The following TBL1Y variants were observed in gnomAD, a reference collection of about 807,000 sequenced individuals.
TBL1Y encodes the protein F-box-like/WD repeat-containing protein TBL1Y.
Under a neutral mutation model 12.0 loss-of-function variants are expected in TBL1Y, and 15 were observed. That is an observed-to-expected ratio of 1.25 (90% CI 0.83 to 1.92). The LOEUF (loss-of-function observed/expected upper bound fraction) is 1.92. Ranked by LOEUF, TBL1Y falls within the 40% of genes most tolerant of loss-of-function variation. The probability of loss-of-function intolerance (pLI) is 0.00; values close to 1 mark genes in which losing one functional copy is unlikely to be tolerated. For missense variants in TBL1Y, 148 were observed against 116.7 expected, an observed-to-expected ratio of 1.27 and a Z score of -1.24; for synonymous variants, 53 against 42.6, an observed-to-expected ratio of 1.24 and a Z score of -0.95.
chrY:7,050,788 A>C, intron 7 of TBL1Y, among the ~76,000 whole-genome samples: 2 of 29,717 alleles, frequency 6.7e-5, no homozygotes, highest in Non-Finnish European at 1.6e-4. Context: ...TCGCGGAACG[A>C]AAAAGAAGCT....
intron 8 of TBL1Y, 147 bp downstream of exon 8, chrY:7,064,296 C>T: frequency 5.7e-6 from 1 of 174,994 alleles, no homozygotes; most frequent in Non-Finnish European, 9.8e-6. Context: ...TCAATCTACC[C>T]AGAAGAGCTC....
intron 6 of TBL1Y, among the ~76,000 whole-genome samples, chrY:7,034,365 G>C: frequency 3.0e-5 from 1 of 33,246 alleles, no homozygotes; most frequent in Non-Finnish European, 7.4e-5. Context: ...CCATGCTCAG[G>C]GATAGGAATA....
At chrY:7,086,994 CAT>C (rs2013142284) in intron 16 of TBL1Y, among the ~76,000 whole-genome samples, 1 of 22,878 alleles carries the variant, frequency 4.4e-5, no homozygotes, top group Non-Finnish European at 9.7e-5. Context: ...TATTATATAT[CAT>C]ATATTTTATA....
intron 2 of TBL1Y, among the ~76,000 whole-genome samples, chrY:6,940,004 C>A: frequency 3.9e-5 from 1 of 25,507 alleles, no homozygotes; most frequent in Non-Finnish European, 8.7e-5. Flanking sequence ...AATCCCAGCA[C>A]TTTGGAAGGC....
intron 4 of TBL1Y, among the ~76,000 whole-genome samples, chrY:7,003,995 A>T: frequency 5.9e-5 from 2 of 33,757 alleles, no homozygotes; most frequent in Non-Finnish European, 1.5e-4. Flanking sequence ...TGAACATTAC[A>T]TAATAGCATA....
chrY:6,932,016 A>AAGG (rs2011868715), intron 2 of TBL1Y, among the ~76,000 whole-genome samples: 10 of 33,556 alleles, frequency 3.0e-4, no homozygotes, highest in Non-Finnish European at 5.9e-4. Context: ...TCCCTGTTTT[A>AAGG]TTTACTTTTC....
chrY:7,086,309 A>G lies in TBL1Y; in HGVS notation c.1172A>G (p.Asp391Gly). 1 of 382,527 alleles carries G rather than the reference A, an allele frequency of 2.6e-6. No individual in the cohort carries two copies. The highest frequency in any genetic ancestry group is 3.6e-6 in the Non-Finnish European group (1 of 274,774). The change falls in exon 16 of 19, where the codon GAT (aspartate) becomes GGT (glycine). Residue 391 changes from aspartate (D) to glycine (G), a missense_variant. Physicochemically the swap from Asp to Gly is moderately conservative, Grantham distance 94. Coordinates refer to ENST00000383032, the MANE Select transcript of TBL1Y (RefSeq NM_033284.2). Reference protein sequence around the residue: ...MTLKIWSMKQDACVHDLQAHS... With the variant: ...MTLKIWSMKQGACVHDLQAHS... ...CTTTAGATCTGGAGTATGAAGCAGG[A>G]TGCATGCGTCCACGATCTTCAGGCT...
intron 8 of TBL1Y, among the ~76,000 whole-genome samples, chrY:7,067,834 A>G: frequency 3.0e-5 from 1 of 33,396 alleles, no homozygotes; most frequent in South Asian, 6.8e-4. Context: ...ACACCAGTGT[A>G]AAGTGGACAC....
chrY:6,920,953 C>T (rs2124093296), intron 2 of TBL1Y, among the ~76,000 whole-genome samples: 2 of 33,076 alleles, frequency 6.0e-5, no homozygotes, highest in African/African-American at 1.2e-4. Context: ...CCTGGCAGTG[C>T]GGCAGTTCTC....
At chrY:6,950,936 A>G in intron 2 of TBL1Y, among the ~76,000 whole-genome samples, 1 of 32,801 alleles carries the variant, frequency 3.0e-5, no homozygotes, top group Non-Finnish European at 7.5e-5. Flanking sequence ...CTATTGAGAT[A>G]ATCATGTGTT....
chrY:6,927,173 C>T (rs1017385517), intron 2 of TBL1Y, among the ~76,000 whole-genome samples: 41 of 32,829 alleles, frequency 1.2e-3, no homozygotes, highest in Non-Finnish European at 2.5e-3. Context: ...TGTGATCTGC[C>T]CGTTTTGGCC....
intron 4 of TBL1Y, among the ~76,000 whole-genome samples, chrY:7,016,134 G>A: frequency 3.1e-5 from 1 of 32,365 alleles, no homozygotes; most frequent in East Asian, 8.4e-4. Flanking sequence ...GAGGGGCTGT[G>A]TCCTGGCACC....
intron 14 of TBL1Y, among the ~76,000 whole-genome samples, chrY:7,082,678 T>C: frequency 3.0e-5 from 1 of 33,569 alleles, no homozygotes; most frequent in African/African-American, 1.2e-4. Context: ...TGAGCTCTCA[T>C]TGCCCATGTG....
Position 7,091,655 on chromosome Y carries a change from G to A in TBL1Y, c.*163G>A. On this transcript the variant is annotated 3_prime_UTR_variant, in exon 19 of 19. Transcript: ENST00000383032. ...AACCAACTTGTCCCAGGCCACAGGA[G>A]TGTATATGTTTCATAATCTTTATCA... 1 of 102,313 alleles carries A rather than the reference G, an allele frequency of 9.8e-6. No individual in the cohort carries two copies. The highest frequency in any genetic ancestry group is 1.8e-5 in the Non-Finnish European group (1 of 55,710). 25.5% of individuals were successfully genotyped at this position (102,313 alleles called of 400,897 possible). A position where few individuals can be genotyped will look rare whatever the true frequency, so the allele number is the denominator to read the frequency against.
chrY:6,940,135 G>A (rs2011942203), intron 2 of TBL1Y, among the ~76,000 whole-genome samples: 1 of 26,797 alleles, frequency 3.7e-5, no homozygotes, highest in African/African-American at 1.5e-4. Context: ...GGTGACCCGT[G>A]CCTGTAGGCC....
intron 4 of TBL1Y, among the ~76,000 whole-genome samples, chrY:7,001,436 G>A: frequency 2.8e-4 from 9 of 32,555 alleles, no homozygotes; most frequent in Admixed American, 2.5e-3. Flanking sequence ...TGAGTAATAC[G>A]GTGAAACCCC....
intron 2 of TBL1Y, among the ~76,000 whole-genome samples, chrY:6,971,588 C>CAG (rs749853563): frequency 3.6e-4 from 10 of 28,162 alleles, no homozygotes; most frequent in East Asian, 1.8e-3. Flanking sequence ...GGGAGGGGAA[C>CAG]AGAGAGAGAG....
chrY:6,986,012 G>C (rs113682542), intron 3 of TBL1Y, among the ~76,000 whole-genome samples: 2,332 of 32,394 alleles, frequency 0.072, no homozygotes, highest in Non-Finnish European at 0.11. Flanking sequence ...TAGGGTGCGG[G>C]GTGTGTGTAG....
chrY:7,080,784 C>T lies in TBL1Y; in HGVS notation c.1008C>T (p.Ser336=). ...WQNNMTFASC[S]TDMCIHVCRL... ...ACAACATGACCTTTGCCTCCTGTAG[C>T]ACAGACATGTGTATCCATGTGTGCA... The change falls in exon 14 of 19, where the codon AGC becomes AGT. Residue 336 remains serine, a synonymous_variant. Coordinates refer to ENST00000383032, the MANE Select transcript of TBL1Y (RefSeq NM_033284.2). 2 of 396,917 alleles carry T rather than the reference C, an allele frequency of 5.0e-6. No homozygotes were observed. Among genetic ancestry groups the T allele is most frequent in the African/African-American group, 1.3e-4 (2 of 15,770 alleles).
Sources: allele counts gnomAD v4.1 joint callset (sites outside exome capture counted in the v4.1 genomes callset), GRCh38; gene constraint gnomAD v4.1.1; transcripts MANE v1.5; gene names NCBI Gene and HGNC (gene_info 2026-07-23, HGNC 2026-07-21).